COL4A1: variants seen among roughly 807,000 people sequenced by gnomAD.
The protein encoded by COL4A1 is collagen alpha-1(IV) chain.
In COL4A1, 40 loss-of-function variants were observed where a neutral mutation model predicts 216.6. The observed-to-expected ratio is 0.18, with a 90% CI of 0.14 to 0.24. The LOEUF (loss-of-function observed/expected upper bound fraction) is 0.24, where lower values mean the gene tolerates loss of function less well. Ranked by LOEUF, COL4A1 falls within the 10% of genes least tolerant of loss-of-function variation. The pLI, the probability that COL4A1 is intolerant of heterozygous loss-of-function variation, is 1.00. For synonymous variants in COL4A1, 839 were observed against 810.7 expected (o/e 1.03, Z -0.59); for missense variants, 1,628 against 2,196.8 (o/e 0.74, Z 5.18).
intron 4 of COL4A1, 120 bp downstream of exon 4, chr13:110,213,662 T>G: frequency 1.1e-4 from 111 of 1,006,412 alleles, no homozygotes; most frequent in Middle Eastern, 2.9e-4. Context: ...CCGTGCTGTG[T>G]GAGCTGGGAG....
intron 1 of COL4A1, among the ~76,000 whole-genome samples, chr13:110,245,773 C>T (rs778214795): frequency 2.6e-5 from 4 of 152,256 alleles, no homozygotes; most frequent in South Asian, 2.1e-4. Context: ...CGGGTCAAGA[C>T]GCTTCTTGTG....
intron 1 of COL4A1, chr13:110,265,767 G>A (rs1279402226): frequency 6.6e-6 from 1 of 152,198 alleles, no homozygotes; most frequent in Non-Finnish European, 1.5e-5. Flanking sequence ...TTGGGTTTGG[G>A]AGCTGCCCGT....
At chr13:110,266,921 A>T (rs945167773) in intron 1 of COL4A1, among the ~76,000 whole-genome samples, 2 of 152,204 alleles carry the variant, frequency 1.3e-5, no homozygotes, top group African/African-American at 2.4e-5. Context: ...TAGAAATTTA[A>T]TTTTTAATCG....
chr13:110,256,820 C>T (rs530239426), intron 1 of COL4A1, among the ~76,000 whole-genome samples: 2 of 152,118 alleles, frequency 1.3e-5, no homozygotes, highest in South Asian at 2.1e-4. Flanking sequence ...GATCTAACCA[C>T]GCACTCACTA....
chr13:110,182,910 TG>T (rs1264882832), intron 28 of COL4A1, 82 bp downstream of exon 28: 3 of 1,285,918 alleles, frequency 2.3e-6, no homozygotes, highest in East Asian at 5.0e-5. Context: ...CCAGCTTCTG[TG>T]GTGTTTTGAT....
rs9588123 is a variant in COL4A1 at position 110,249,264 on chromosome 13, C to A, written c.85-6530G>T. On this transcript the variant is annotated intron_variant, in intron 1 of 51. Coordinates refer to ENST00000375820, the MANE Select transcript of COL4A1 (RefSeq NM_001845.6). Reference sequence around the variant, plus strand: ...TTGCTTGTTGCGGGCGGTGACTACACGGGTGTATACGTCGGTAAAAACTCA... The same window carrying A: ...TTGCTTGTTGCGGGCGGTGACTACAAGGGTGTATACGTCGGTAAAAACTCA... Among the ~76,000 whole-genome samples the A allele has an allele frequency of 4.9e-3, 751 of 152,112 alleles. 7 individuals carry two copies. The highest frequency in any genetic ancestry group is 0.017 in the African/African-American group (692 of 41,494).
intron 1 of COL4A1, among the ~76,000 whole-genome samples, chr13:110,288,262 CAAAA>C (rs67261918): frequency 4.1e-5 from 6 of 144,914 alleles, no homozygotes; most frequent in African/African-American, 1.3e-4. Flanking sequence ...AACTCCCTCT[CAAAA>C]AAAAAAAAAA....
Position 110,177,929 on chromosome 13 carries a change from A to G in COL4A1, c.2629T>C (p.Ser877Pro). 1 of 1,614,066 alleles carries G rather than the reference A, an allele frequency of 6.2e-7. No homozygotes were observed. The highest frequency in any genetic ancestry group is 8.5e-7 in the Non-Finnish European group (1 of 1,180,012). ...CCCATGACGCCCATTTCTCCCTTGG[A>G]ACCTGTGGCCAAAGGAAAGGACTGT... is the stretch of plus-strand genomic sequence containing the variant. ...GAPGIPGFPG[S>P]KGEMGVMGTP... Residue 877 changes from serine (S) to proline (P), a missense_variant and splice_region_variant, in exon 33 of 52, where the codon TCC becomes CCC. Ser to Pro is a moderately conservative substitution (Grantham distance 74). Transcript: ENST00000375820.
At chr13:110,226,729 ATC>A (rs1051309693) in intron 2 of COL4A1, among the ~76,000 whole-genome samples, 4 of 152,274 alleles carry the variant, frequency 2.6e-5, no homozygotes, top group African/African-American at 9.6e-5. Flanking sequence ...CTGAATTTTA[ATC>A]TCTTTTAAGT....
chr13:110,160,576 G>T (rs1244893794), intron 49 of COL4A1, among the ~76,000 whole-genome samples: 3 of 152,190 alleles, frequency 2.0e-5, no homozygotes, highest in African/African-American at 7.2e-5. Context: ...GCTTGCTGAA[G>T]AATCGAGTGG....
chr13:110,175,671 G>A (rs892062792), intron 36 of COL4A1, among the ~76,000 whole-genome samples: 3 of 152,194 alleles, frequency 2.0e-5, no homozygotes, highest in Non-Finnish European at 2.9e-5. Context: ...GAATAAAAAT[G>A]GATCTTATGT....
chr13:110,274,708 T>C (rs1237786276), intron 1 of COL4A1, among the ~76,000 whole-genome samples: 1 of 152,180 alleles, frequency 6.6e-6, no homozygotes, highest in Non-Finnish European at 1.5e-5. Flanking sequence ...GGCTGTGCAC[T>C]GATAGCCACA....
chr13:110,213,738 T>A (rs1879932448), intron 4 of COL4A1, 44 bp downstream of exon 4: 2 of 1,601,336 alleles, frequency 1.2e-6, no homozygotes, highest in Non-Finnish European at 1.7e-6. Context: ...AGCGGGCCTG[T>A]CCCACGCATG....
Position 110,178,945 on chromosome 13 carries a change from T to C in COL4A1, c.2436A>G (p.Gly812=), listed in dbSNP as rs756258963. ...CACCTGACAACCCCGGTGGTCCCTG[T>C]CCTCCAGGGGGACCCCTAGCTCCAG... ...GPPGARGPPG[G]QGPPGLSGPP... Residue 812 remains glycine, a synonymous_variant, in exon 31 of 52, where the codon GGA becomes GGG. Transcript: ENST00000375820. 4 of 1,612,066 alleles carry C rather than the reference T, an allele frequency of 2.5e-6. No homozygotes were observed. The highest frequency in any genetic ancestry group is 3.4e-6 in the Non-Finnish European group (4 of 1,179,502).
chr13:110,281,294 C>T (rs1888002), intron 1 of COL4A1, among the ~76,000 whole-genome samples: 30,045 of 152,128 alleles, frequency 0.2, 3,764 homozygotes, highest in African/African-American at 0.37. Context: ...CAAAACAAAA[C>T]GTGAGAAGCA....
At chr13:110,181,515 A>G in intron 28 of COL4A1, 126 bp from the exon 29 acceptor site, 1 of 976,598 alleles carries the variant, frequency 1.0e-6, no homozygotes, top group South Asian at 1.4e-5. Flanking sequence ...TCAACTGTGG[A>G]GGCCTTCCGA....
intron 49 of COL4A1, among the ~76,000 whole-genome samples, chr13:110,160,238 C>G (rs1475219185): frequency 5.0e-5 from 6 of 119,628 alleles, no homozygotes; most frequent in African/African-American, 7.3e-5. Flanking sequence ...GTCAGGAGAT[C>G]GAGACCATCC....
chr13:110,294,945 G>A (rs1249484978), intron 1 of COL4A1, among the ~76,000 whole-genome samples: 2 of 152,068 alleles, frequency 1.3e-5, no homozygotes, highest in Non-Finnish European at 2.9e-5. Context: ...TGCACACATG[G>A]TCTACTTATG....
chr13:110,247,790 C>CGTGG (rs1881887069), intron 1 of COL4A1, among the ~76,000 whole-genome samples: 3 of 57,756 alleles, frequency 5.2e-5, no homozygotes, highest in African/African-American at 2.0e-4. Context: ...CTATGCTACT[C>CGTGG]GTGTGTGTGT....
Sources: allele counts gnomAD v4.1 joint callset (sites outside exome capture counted in the v4.1 genomes callset), GRCh38; gene constraint gnomAD v4.1.1; transcripts MANE v1.5; gene names NCBI Gene and HGNC (gene_info 2026-07-23, HGNC 2026-07-21).